KLRG1: variants seen among roughly 807,000 people sequenced by gnomAD.
KLRG1 encodes the protein killer cell lectin-like receptor subfamily G member 1.
Under a neutral mutation model 21.8 loss-of-function variants are expected in KLRG1, and 16 were observed. That is an observed-to-expected ratio of 0.73 (90% confidence interval 0.50 to 1.11). KLRG1 has a LOEUF of 1.11. Among genes scored for constraint, KLRG1 ranks in the 50% most tolerant of loss-of-function variants. The pLI is 0.00. For synonymous variants in KLRG1, 69 were observed against 75.9 expected (o/e 0.91, Z 0.47); for missense variants, 173 against 218.3 (o/e 0.79, Z 1.31).
the KLRG1 span, among the ~76,000 whole-genome samples, chr12:9,062,154 A>C: frequency 6.8e-6 from 1 of 146,604 alleles, no homozygotes; most frequent in Non-Finnish European, 1.5e-5. Flanking sequence ...ATATTGTATA[A>C]AAAATCACCT....
chr12:8,966,630 A>G (rs1321907814), intron 1 of KLRG1, among the ~76,000 whole-genome samples: 6 of 152,046 alleles, frequency 3.9e-5, no homozygotes, highest in Non-Finnish European at 7.4e-5. Context: ...CAAAACCACA[A>G]TGAGATACCA....
chr12:9,098,818 G>C, the KLRG1 span: 5 of 1,561,496 alleles, frequency 3.2e-6, no homozygotes, highest in Non-Finnish European at 4.4e-6. Context: ...GCATTCACTC[G>C]CATTTGCAGA....
At chr12:9,185,414 T>A in the KLRG1 span, among the ~76,000 whole-genome samples, 5 of 152,198 alleles carry the variant, frequency 3.3e-5, no homozygotes, top group African/African-American at 1.2e-4. Context: ...ACAAAACCTC[T>A]GAGAAATCTG....
chr12:9,148,012 C>T, the KLRG1 span, among the ~76,000 whole-genome samples: 2 of 151,570 alleles, frequency 1.3e-5, no homozygotes, highest in African/African-American at 4.8e-5. Flanking sequence ...TTTTTTTTCT[C>T]TCCATAAAAG....
the KLRG1 span, among the ~76,000 whole-genome samples, chr12:9,214,650 ATG>A: frequency 6.6e-6 from 1 of 152,020 alleles, no homozygotes; most frequent in African/African-American, 2.4e-5. Flanking sequence ...AACAAAGGTT[ATG>A]AGATTATTAC....
chr12:8,990,188 TG>T (rs66467966), intron 1 of KLRG1: 51,279 of 148,846 alleles, frequency 0.34, 9,927 homozygotes, highest in South Asian at 0.43. Flanking sequence ...TATCTAGTTT[TG>T]TTTTTTTTTT....
At position 8,992,215 on chromosome 12, in the gene KLRG1, C is replaced by G. The variant is rs147413584; in HGVS notation, c.92C>G (p.Ser31Cys). The G allele has an allele frequency of 1.9e-4, 314 of 1,611,490 alleles. No individual in the cohort carries two copies. Among genetic ancestry groups the G allele is most frequent in the Middle Eastern group, 1.7e-4 (1 of 6,050 alleles). Residue 31 changes from serine to cysteine, a missense_variant, in exon 2 of 5, where the codon TCC becomes TGC. Coordinates refer to ENST00000356986, the MANE Select transcript of KLRG1 (RefSeq NM_005810.4). ...DYGPQQKSSS[S>C]RPSCSCLVAI... ...GACTCTGTTGTTGCAGCTTCCTCTT[C>G]CAGGCCTTCTTGTTCTTGCCTTGTG... is the stretch of plus-strand genomic sequence containing the variant.
chr12:9,179,266 C>T, the KLRG1 span, among the ~76,000 whole-genome samples: 1 of 152,000 alleles, frequency 6.6e-6, no homozygotes, highest in East Asian at 1.9e-4. Flanking sequence ...AATTATTAAC[C>T]AATGTTCACC....
the KLRG1 span, chr12:9,028,953 A>G: frequency 6.4e-6 from 4 of 628,480 alleles, no homozygotes; most frequent in African/African-American, 7.3e-5. Flanking sequence ...TGGGTCTCTC[A>G]TTACGGCACA....
chr12:9,143,494 G>A, the KLRG1 span, among the ~76,000 whole-genome samples: 1 of 151,954 alleles, frequency 6.6e-6, no homozygotes, highest in East Asian at 1.9e-4. Flanking sequence ...TTAGAAGGAA[G>A]GAATTTCAGA....
At chr12:9,209,327 A>G in the KLRG1 span, among the ~76,000 whole-genome samples, 1 of 152,066 alleles carries the variant, frequency 6.6e-6, no homozygotes, top group Non-Finnish European at 1.5e-5. Flanking sequence ...TCCTGGCCAC[A>G]CTGCTGAAAG....
the KLRG1 span, among the ~76,000 whole-genome samples, chr12:9,021,034 G>T: frequency 1.3e-5 from 2 of 152,148 alleles, no homozygotes; most frequent in Non-Finnish European, 2.9e-5. Context: ...ACAATGGCAA[G>T]TATTTATGTA....
At chr12:9,174,014 G>T in the KLRG1 span, among the ~76,000 whole-genome samples, 1 of 152,074 alleles carries the variant, frequency 6.6e-6, no homozygotes, top group Admixed American at 6.6e-5. Flanking sequence ...ACCTGGCAGA[G>T]TCACAACAAA....
At chr12:8,960,180 AGAC>A (rs1281701626) in intron 1 of KLRG1, among the ~76,000 whole-genome samples, 2 of 152,180 alleles carry the variant, frequency 1.3e-5, no homozygotes, top group Admixed American at 1.3e-4. Context: ...ATGCATGGAG[AGAC>A]TATCCAAGGT....
At chr12:9,183,478 C>T in the KLRG1 span, among the ~76,000 whole-genome samples, 1 of 152,146 alleles carries the variant, frequency 6.6e-6, no homozygotes. Context: ...TAGCTCACTG[C>T]AGCCTCGAAT....
the KLRG1 span, chr12:9,067,793 C>A: frequency 2.4e-4 from 385 of 1,611,260 alleles, 1 homozygote; most frequent in African/African-American, 4.3e-3. Flanking sequence ...GAACAGGACT[C>A]CAGCAAAGCA....
chr12:9,050,340 T>C, the KLRG1 span, among the ~76,000 whole-genome samples: 1,143 of 152,356 alleles, frequency 7.5e-3, 24 homozygotes, highest in African/African-American at 0.026. Flanking sequence ...CTAAACAAAA[T>C]CTGATCTTGC....
chr12:9,166,727 A>C, the KLRG1 span, among the ~76,000 whole-genome samples: 70 of 152,350 alleles, frequency 4.6e-4, no homozygotes, highest in African/African-American at 1.5e-3. Flanking sequence ...TTAGAGCATT[A>C]GATTTTATTC....
At chr12:9,076,751 C>A in the KLRG1 span, 1 of 1,613,718 alleles carries the variant, frequency 6.2e-7, no homozygotes, top group Non-Finnish European at 8.5e-7. Flanking sequence ...CAGGTGTGCT[C>A]TCACCTTTCT....
Sources: allele counts gnomAD v4.1 joint callset (sites outside exome capture counted in the v4.1 genomes callset), GRCh38; gene constraint gnomAD v4.1.1; transcripts MANE v1.5; gene names NCBI Gene and HGNC (gene_info 2026-07-23, HGNC 2026-07-21).